The following NR1H4 variants were observed in gnomAD, a reference collection of about 807,000 sequenced individuals.
NR1H4 encodes bile acid receptor.
NR1H4 carries 23 observed loss-of-function variants against 58.5 expected under a neutral mutation model. The ratio of observed to expected loss-of-function variants is 0.39; its 90% confidence interval spans 0.28 to 0.56. The LOEUF (loss-of-function observed/expected upper bound fraction) is 0.56. Among genes scored for constraint, NR1H4 ranks in the 20% least tolerant of loss-of-function variants. NR1H4 has a pLI of 0.58. For synonymous variants in NR1H4, 214 were observed against 198.0 expected, an observed-to-expected ratio of 1.08 and a Z score of -0.68; for missense variants, 487 against 576.9, an observed-to-expected ratio of 0.84 and a Z score of 1.60.
intron 1 of NR1H4, among the ~76,000 whole-genome samples, chr12:100,482,860 T>C (rs983179597): frequency 2.0e-5 from 3 of 152,100 alleles, no homozygotes; most frequent in Non-Finnish European, 2.9e-5. Flanking sequence ...TTAGGCACCA[T>C]TGTGTAAGCT....
intron 4 of NR1H4, among the ~76,000 whole-genome samples, chr12:100,511,463 G>GT (rs1265085262): frequency 1.3e-5 from 2 of 151,776 alleles, no homozygotes; most frequent in African/African-American, 2.4e-5. Context: ...TGTTTTTGTT[G>GT]TTTTTTTAAA....
chr12:100,528,684 C>T (rs1954621260), intron 4 of NR1H4, among the ~76,000 whole-genome samples: 1 of 152,148 alleles, frequency 6.6e-6, no homozygotes, highest in African/African-American at 2.4e-5. Flanking sequence ...TATATGTACC[C>T]ATATTTAAAT....
At chr12:100,504,817 A>G (rs1390764289) in intron 3 of NR1H4, among the ~76,000 whole-genome samples, 1 of 152,236 alleles carries the variant, frequency 6.6e-6, no homozygotes, top group Non-Finnish European at 1.5e-5. Context: ...ATCTCATACC[A>G]TCTCAAGTTC....
intron 3 of NR1H4, among the ~76,000 whole-genome samples, chr12:100,509,262 G>A (rs1409032471): frequency 6.6e-6 from 1 of 152,174 alleles, no homozygotes; most frequent in Non-Finnish European, 1.5e-5. Flanking sequence ...ACTTTGAAGA[G>A]TCAGACACAT....
intron 4 of NR1H4, among the ~76,000 whole-genome samples, chr12:100,524,393 G>A (rs1047951815): frequency 6.6e-6 from 1 of 152,154 alleles, no homozygotes; most frequent in Non-Finnish European, 1.5e-5. Context: ...AGGAACCTCA[G>A]GGAAGATGCT....
intron 5 of NR1H4, 45 bp downstream of exon 5, chr12:100,532,655 A>C (rs1954723146): frequency 6.4e-7 from 1 of 1,572,418 alleles, no homozygotes; most frequent in South Asian, 1.1e-5. Flanking sequence ...TCTCTTAAGG[A>C]GGCAGATGTC....
At position 100,537,043 on chromosome 12, in the gene NR1H4, AC is replaced by A; in HGVS notation, c.929del (p.Pro310GlnfsTer15). On this transcript the variant is annotated frameshift_variant, in exon 8 of 11. Transcript: ENST00000392986. LOFTEE classifies it high-confidence loss of function. ...TTCTTGTAGAATTCACAAAAAAGCT[AC>A]CAGGTATTTTTTAAATAATCAAAGT... is the stretch of plus-strand genomic sequence containing the variant. ...QVLVEFTKKL[P>X]GFQTLDHEDQ... 6.3e-7 allele frequency: 1 copy of A among 1,578,490 alleles called. No individual in the cohort carries two copies. Among genetic ancestry groups the A allele is most frequent in the Non-Finnish European group, 8.7e-7 (1 of 1,153,072 alleles).
chr12:100,545,499 G>A (rs747433794), intron 9 of NR1H4, among the ~76,000 whole-genome samples: 1 of 151,508 alleles, frequency 6.6e-6, no homozygotes, highest in Non-Finnish European at 1.5e-5. Context: ...AAAATTAGCT[G>A]GGCATGGTGG....
intron 3 of NR1H4, among the ~76,000 whole-genome samples, chr12:100,497,504 C>T (rs960171378): frequency 1.1e-4 from 16 of 152,152 alleles, no homozygotes; most frequent in African/African-American, 3.4e-4. Flanking sequence ...GTTGGAATCA[C>T]CTCCCTGAAG....
Position 100,556,467 on chromosome 12 carries a change from C to CAAAAAA in NR1H4, c.1079-5415_1079-5414insAAAAAA, listed in dbSNP as rs781520049. The stretch of plus-strand genomic sequence containing the variant: ...GGGCAACAAGAGTGAAACTCCGTCT[C>CAAAAAA]AAAGAAAAAAAAAACAAAAAACAAA... On this transcript the variant is annotated intron_variant, in intron 9 of 10. Transcript: ENST00000392986. 8.0e-5 allele frequency among the ~76,000 whole-genome samples: 7 copies of CAAAAAA among 87,484 alleles called. 2 individuals are homozygous for CAAAAAA. Among genetic ancestry groups the CAAAAAA allele is most frequent in the Non-Finnish European group, 8.8e-5 (3 of 34,116 alleles). 57.4% of individuals were successfully genotyped at this position (87,484 alleles called of 152,430 possible).
chr12:100,514,892 A>G (rs914068999), intron 4 of NR1H4, among the ~76,000 whole-genome samples: 2 of 152,172 alleles, frequency 1.3e-5, no homozygotes, highest in Non-Finnish European at 2.9e-5. Context: ...ACACAAATTT[A>G]CAAAATTACA....
At chr12:100,550,648 G>C (rs1333838754) in intron 9 of NR1H4, among the ~76,000 whole-genome samples, 1 of 151,074 alleles carries the variant, frequency 6.6e-6, no homozygotes, top group Non-Finnish European at 1.5e-5. Context: ...TTACAGGTGT[G>C]AGCCACCGCG....
At chr12:100,490,992 G>T (rs545460734) in intron 1 of NR1H4, among the ~76,000 whole-genome samples, 1 of 152,228 alleles carries the variant, frequency 6.6e-6, no homozygotes, top group East Asian at 1.9e-4. Flanking sequence ...GGTGAGTTTT[G>T]TCATGTTGCC....
At chr12:100,508,851 T>C (rs1432827142) in intron 3 of NR1H4, among the ~76,000 whole-genome samples, 1 of 152,204 alleles carries the variant, frequency 6.6e-6, no homozygotes, top group Non-Finnish European at 1.5e-5. Context: ...ACTTTTTTGG[T>C]GACAGAACCT....
At position 100,523,150 on chromosome 12, in the gene NR1H4, G is replaced by A. The variant is rs1018089594; in HGVS notation, c.446-9308G>A. Among the ~76,000 whole-genome samples the A allele has an allele frequency of 1.5e-4, 23 of 152,104 alleles. 1 individual carries two copies. In the East Asian group the frequency reaches 1.5e-3, roughly 10 times the overall value. On this transcript the variant is annotated intron_variant, in intron 4 of 10. Transcript: ENST00000392986. ...CTCCATAACGTTTTCCATAGAGGTTGTACTAATTTACATTCTCACCAACAG... is the reference window on the plus strand; with the variant it reads ...CTCCATAACGTTTTCCATAGAGGTTATACTAATTTACATTCTCACCAACAG...
intron 5 of NR1H4, 52 bp from the exon 6 acceptor site, chr12:100,534,838 A>G (rs1388886743): frequency 2.7e-5 from 43 of 1,611,066 alleles, no homozygotes; most frequent in Non-Finnish European, 3.4e-5. Context: ...ATGACCACAC[A>G]CCCAACAGTA....
intron 9 of NR1H4, among the ~76,000 whole-genome samples, chr12:100,546,536 A>G (rs1326199205): frequency 6.6e-6 from 1 of 152,086 alleles, no homozygotes; most frequent in East Asian, 1.9e-4. Context: ...TCTATTAAAA[A>G]TATAAAAAAT....
At chr12:100,538,935 C>A (rs1353878333) in intron 8 of NR1H4, among the ~76,000 whole-genome samples, 1 of 152,166 alleles carries the variant, frequency 6.6e-6, no homozygotes, top group East Asian at 1.9e-4. Context: ...CAATAAAAAA[C>A]TGGATTATAT....
At chr12:100,508,397 C>T (rs908193438) in intron 3 of NR1H4, among the ~76,000 whole-genome samples, 17 of 152,002 alleles carry the variant, frequency 1.1e-4, no homozygotes, top group African/African-American at 3.4e-4. Flanking sequence ...AAGCGGAGGC[C>T]GAGAAGGGGG....
Sources: gnomAD v4.1 joint callset for allele counts (sites outside exome capture counted in the v4.1 genomes callset) on GRCh38, gnomAD v4.1.1 for gene constraint, MANE v1.5 for transcripts, NCBI Gene and HGNC (gene_info 2026-07-23, HGNC 2026-07-21) for gene names.